NME9: variants seen among roughly 807,000 people sequenced by gnomAD.
NME9 encodes the protein NME/NM23 family member 9.
Under a neutral mutation model 44.4 loss-of-function variants are expected in NME9, and 48 were observed. The ratio of observed to expected loss-of-function variants is 1.08; its 90% CI spans 0.86 to 1.37. The LOEUF (loss-of-function observed/expected upper bound fraction) is 1.37, where lower values mean the gene tolerates loss of function less well. NME9 is among the 40% of genes most tolerant of loss of function. NME9 has a pLI of 0.00. For synonymous variants in NME9, 139 were observed against 147.1 expected, an observed-to-expected ratio of 0.94 and a Z score of 0.40; for missense variants, 325 against 405.2, an observed-to-expected ratio of 0.80 and a Z score of 1.70.
rs1490212756 is a variant in NME9 at position 138,293,996 on chromosome 3, C to G, written c.745+9511G>C. On this transcript the variant is annotated intron_variant, in intron 8 of 8. Transcript: ENST00000317876. The stretch of plus-strand genomic sequence containing the variant: ...TCCATCTAAGAAAGGGTGATCTTGC[C>G]TCCAAAACCATTCTTCTAAAAAGAC... Among the ~76,000 whole-genome samples the G allele has an allele frequency of 2.6e-5, 4 of 152,114 alleles. No homozygotes were observed. In the East Asian group the frequency reaches 7.7e-4, roughly 29 times the overall value.
intron 8 of NME9, among the ~76,000 whole-genome samples, chr3:138,271,798 C>CTTTTTTTTTTTT (rs776320900): frequency 8.8e-5 from 12 of 136,124 alleles, no homozygotes; most frequent in African/African-American, 3.1e-4. Context: ...TTTTTTCTTT[C>CTTTTTTTTTTTT]TTTTTTTTTT....
At chr3:138,270,060 C>G in intron 8 of NME9, 1 of 1,613,090 alleles carries the variant, frequency 6.2e-7, no homozygotes, top group Non-Finnish European at 8.5e-7. Context: ...AATCAGGAGC[C>G]GTAGAGCTAC....
chr3:138,292,263 C>T (rs1478786810), intron 8 of NME9, among the ~76,000 whole-genome samples: 1 of 152,228 alleles, frequency 6.6e-6, no homozygotes, highest in Non-Finnish European at 1.5e-5. Context: ...TGGTCTCAAA[C>T]TTCTGACCTC....
chr3:138,289,172 G>A (rs1284259918), intron 8 of NME9: 3 of 1,420,842 alleles, frequency 2.1e-6, no homozygotes, highest in Non-Finnish European at 3.0e-6. Flanking sequence ...AGAGTGTCTT[G>A]CACAGGGAAG....
chr3:138,275,501 G>C (rs936470036), intron 8 of NME9, among the ~76,000 whole-genome samples: 3 of 152,094 alleles, frequency 2.0e-5, no homozygotes, highest in Non-Finnish European at 4.4e-5. Context: ...GGAGCTTGCA[G>C]TGATCCAAGA....
At chr3:138,281,102 A>G (rs1232876992) in intron 8 of NME9, among the ~76,000 whole-genome samples, 1 of 152,206 alleles carries the variant, frequency 6.6e-6, no homozygotes, top group Non-Finnish European at 1.5e-5. Flanking sequence ...AATTACCAAA[A>G]GAGACAGCAG....
Position 138,329,445 on chromosome 3 carries a change from G to T in NME9, c.-110C>A. 6.6e-7 allele frequency: 1 copy of T among 1,514,042 alleles called. No homozygotes were observed. Among genetic ancestry groups the T allele is most frequent in the Non-Finnish European group, 8.8e-7 (1 of 1,136,126 alleles). The allele number at this position is 1,514,042 out of a possible 1,614,324, so 93.8% of individuals were successfully genotyped here. A position where few individuals can be genotyped will look rare whatever the true frequency, so the allele number is the denominator to read the frequency against. Reference sequence around the variant, plus strand: ...CAAGCCCAGAGCCTCCTTCAGACAAGCCCCCCTCCTACGGCCCCCGGCCCC... The same window carrying T: ...CAAGCCCAGAGCCTCCTTCAGACAATCCCCCCTCCTACGGCCCCCGGCCCC... On this transcript the variant is annotated 5_prime_UTR_variant, in exon 1 of 11. Transcript: ENST00000333911.
chr3:138,285,077 A>C (rs1012135935), intron 8 of NME9, among the ~76,000 whole-genome samples: 1 of 152,166 alleles, frequency 6.6e-6, no homozygotes, highest in African/African-American at 2.4e-5. Flanking sequence ...TGTCACACCT[A>C]TCTGTCTTCT....
downstream of NME9, chr3:138,297,804 G>A (rs968949357): frequency 2.6e-5 from 4 of 152,184 alleles, no homozygotes; most frequent in African/African-American, 9.7e-5. Flanking sequence ...CTAGAACTGT[G>A]AAAATATCCT....
intron 8 of NME9, among the ~76,000 whole-genome samples, chr3:138,270,554 TA>T (rs1291786021): frequency 6.6e-6 from 1 of 152,208 alleles, no homozygotes. Context: ...ACAGAATGAT[TA>T]TTTTTTTTAA....
At position 138,301,307 on chromosome 3, in the gene NME9, C is replaced by T. The variant is rs1263793971; in HGVS notation, c.*333G>A. 2.6e-5 allele frequency: 9 copies of T among 347,192 alleles called. No homozygotes were observed. Among genetic ancestry groups the T allele is most frequent in the African/African-American group, 6.6e-5 (3 of 45,728 alleles). The allele number at this position is 347,192 out of a possible 1,614,324, so 21.5% of individuals were successfully genotyped here. A position where few individuals can be genotyped will look rare whatever the true frequency, so the allele number is the denominator to read the frequency against. On this transcript the variant is annotated 3_prime_UTR_variant, in exon 11 of 11. Transcript: ENST00000333911. The stretch of plus-strand genomic sequence containing the variant: ...GCAACCTTCACCTCCCGGGTTCAAG[C>T]GATTCTCATGCCTAAGCCACCCGAG...
chr3:138,304,361 G>A (rs924580442), intron 9 of NME9, among the ~76,000 whole-genome samples: 2 of 152,206 alleles, frequency 1.3e-5, no homozygotes, highest in East Asian at 1.9e-4. Flanking sequence ...GATTGCTGGC[G>A]CCAAGCTAAA....
intron 6 of NME9, among the ~76,000 whole-genome samples, chr3:138,308,695 T>C (rs964768034): frequency 2.6e-5 from 4 of 152,196 alleles, no homozygotes; most frequent in South Asian, 2.1e-4. Context: ...TGCAGCTTTT[T>C]TGATGCCTGG....
At chr3:138,286,121 T>G (rs1215913472) in intron 8 of NME9, among the ~76,000 whole-genome samples, 1 of 152,126 alleles carries the variant, frequency 6.6e-6, no homozygotes, top group African/African-American at 2.4e-5. Context: ...TTTTGTATTT[T>G]TAGAAGAGAT....
At chr3:138,328,233 C>T (rs555035175) in intron 1 of NME9, among the ~76,000 whole-genome samples, 12 of 152,330 alleles carry the variant, frequency 7.9e-5, no homozygotes, top group African/African-American at 2.9e-4. Context: ...GATGGGCAAG[C>T]TATAGCCTGG....
chr3:138,287,580 A>C (rs2050553132), intron 8 of NME9: 1 of 455,252 alleles, frequency 2.2e-6, no homozygotes, highest in South Asian at 1.6e-5. Flanking sequence ...ACAAATATTG[A>C]TTGATTGTCT....
chr3:138,296,679 A>G (rs1297636803), downstream of NME9: 1 of 152,234 alleles, frequency 6.6e-6, no homozygotes, highest in Non-Finnish European at 1.5e-5. Context: ...TTTCATCCTA[A>G]TTCAGTAAGT....
chr3:138,324,379 TTTG>T (rs2053645746), intron 2 of NME9: 1 of 442,176 alleles, frequency 2.3e-6, no homozygotes, highest in African/African-American at 2.0e-5. Flanking sequence ...ATAATCAATG[TTTG>T]TTGTTGTAAA....
intron 6 of NME9, 60 bp from the exon 7 acceptor site, chr3:138,306,540 C>CA (rs1396743362): frequency 9.8e-7 from 1 of 1,025,346 alleles, no homozygotes; most frequent in Non-Finnish European, 1.5e-6. Context: ...AGGCCATCCA[C>CA]AAAAAACAAT....
Sources: gnomAD v4.1 joint callset for allele counts (sites outside exome capture counted in the v4.1 genomes callset) on GRCh38, gnomAD v4.1.1 for gene constraint, MANE v1.5 for transcripts, NCBI Gene and HGNC (gene_info 2026-07-23, HGNC 2026-07-21) for gene names.